The following ROCK1 variants were observed in gnomAD, a reference collection of about 807,000 sequenced individuals.
ROCK1 encodes the protein Rho associated coiled-coil containing protein kinase 1.
ROCK1 carries 36 observed loss-of-function variants against 196.8 expected under a neutral mutation model. The ratio of observed to expected loss-of-function variants is 0.18; its 90% CI spans 0.14 to 0.24. ROCK1 has a LOEUF of 0.24. Ranked by LOEUF, ROCK1 falls within the 10% of genes least tolerant of loss-of-function variation. The pLI, the probability that ROCK1 is intolerant of heterozygous loss-of-function variation, is 1.00. For synonymous variants in ROCK1, 443 were observed against 515.9 expected (o/e 0.86, Z 1.91); for missense variants, 920 against 1,562.0 (o/e 0.59, Z 6.93).
chr18:21,111,633 G>A lies in ROCK1; in HGVS notation c.-723C>T, dbSNP rs555408192. 2 of 154,418 alleles carry A rather than the reference G, an allele frequency of 1.3e-5. No individual in the cohort carries two copies. Among genetic ancestry groups the A allele is most frequent in the African/African-American group, 4.8e-5 (2 of 41,636 alleles). 9.6% of individuals were successfully genotyped at this position (154,418 alleles called of 1,614,324 possible). On this transcript the variant is annotated 5_prime_UTR_variant, in exon 1 of 33. Transcript: ENST00000399799. The surrounding 1 kb of genome is among the most constrained non-coding windows in gnomAD (Gnocchi z 4.2). ...GGAAAGGCTGGAGAGCGGGCGAAGA[G>A]GAAGACGATAGTTGGGTCCCGGCGG...
At position 21,026,091 on chromosome 18, in the gene ROCK1, C is replaced by A. The variant is rs564736943; in HGVS notation, c.1212-2411G>T. On this transcript the variant is annotated intron_variant, in intron 10 of 32. Transcript: ENST00000399799. ...CAAAAACATTGGCGGTTGTTTATATCAACAACTTGAGTGTTTCAGAAACCA... is the reference window on the plus strand; with the variant it reads ...CAAAAACATTGGCGGTTGTTTATATAAACAACTTGAGTGTTTCAGAAACCA... 4.2e-4 allele frequency among the ~76,000 whole-genome samples: 64 copies of A among 152,220 alleles called. 2 individuals carry two copies. In the South Asian group the frequency reaches 0.013, roughly 32 times the overall value.
At chr18:20,951,530 T>C (rs1452096305) in intron 32 of ROCK1, 143 bp from the exon 33 acceptor site, 4 of 523,556 alleles carry the variant, frequency 7.6e-6, no homozygotes, top group Non-Finnish European at 1.4e-5. Flanking sequence ...AAACAAGGAA[T>C]AGGAAAAATA....
chr18:21,042,289 C>G (rs2036113951), intron 7 of ROCK1, 54 bp from the exon 8 acceptor site: 2 of 1,469,808 alleles, frequency 1.4e-6, no homozygotes, highest in Non-Finnish European at 1.8e-6. Flanking sequence ...TTTAAAAAGT[C>G]AGTTTCAAAG....
Position 20,947,434 on chromosome 18 carries a change from G to A in ROCK1, c.*3950C>T, listed in dbSNP as rs564853214. ...CACTAAAAGCATAAAAGATTTGGCA[G>A]TAAATATATCTAGGCCATTGAGCAT... On this transcript the variant is annotated 3_prime_UTR_variant, in exon 33 of 33. Coordinates refer to ENST00000399799, the MANE Select transcript of ROCK1 (RefSeq NM_005406.3). 26 of 152,240 alleles carry A rather than the reference G, an allele frequency of 1.7e-4. No homozygotes were observed. Among genetic ancestry groups the A allele is most frequent in the African/African-American group, 6.0e-4 (25 of 41,548 alleles). 9.4% of individuals were successfully genotyped at this position (152,240 alleles called of 1,614,324 possible).
chr18:20,997,475 C>G (rs530360460), intron 16 of ROCK1, among the ~76,000 whole-genome samples: 1 of 152,276 alleles, frequency 6.6e-6, no homozygotes, highest in East Asian at 1.9e-4. Flanking sequence ...GCACCCAACA[C>G]TGGAGCAACC....
At chr18:20,957,841 G>A (rs35308483) in intron 29 of ROCK1, among the ~76,000 whole-genome samples, 12,139 of 108,618 alleles carry the variant, frequency 0.11, no homozygotes, top group East Asian at 0.21. Context: ...TTCAGAGACA[G>A]GGTCTCGCTA....
At chr18:21,046,906 G>A (rs2036165505) in intron 4 of ROCK1, among the ~76,000 whole-genome samples, 1 of 152,056 alleles carries the variant, frequency 6.6e-6, no homozygotes, top group Non-Finnish European at 1.5e-5. Flanking sequence ...CTGCCCTCAA[G>A]TGATCTTCCT....
At chr18:21,073,926 G>A (rs2036408640) in intron 1 of ROCK1, among the ~76,000 whole-genome samples, 1 of 152,160 alleles carries the variant, frequency 6.6e-6, no homozygotes, top group African/African-American at 2.4e-5. Context: ...ATCGAGACAG[G>A]AGGATCACTT....
chr18:21,075,151 T>C (rs1346241083), intron 1 of ROCK1, among the ~76,000 whole-genome samples: 1 of 152,186 alleles, frequency 6.6e-6, no homozygotes, highest in African/African-American at 2.4e-5. Flanking sequence ...GTTTTTATTT[T>C]AGTAGTCTGG....
chr18:20,959,040 A>AATATATATATATTATATAAT (rs1376289380), intron 29 of ROCK1, among the ~76,000 whole-genome samples: 1 of 57,426 alleles, frequency 1.7e-5, no homozygotes, highest in Non-Finnish European at 2.6e-5. Flanking sequence ...TATTTTATAT[A>AATATATATATATTATATAAT]ATATATAATA....
Position 20,959,099 on chromosome 18 carries a change from T to TTATATATAATATATATA in ROCK1, c.3512+740_3512+741insTATATATATTATATATA. On this transcript the variant is annotated intron_variant, in intron 29 of 32. Transcript: ENST00000399799. ...TAATATATATATTTTATATAATATA[T>TTATATATAATATATATA]ATATTATATATATATTATATAATAT... is the stretch of plus-strand genomic sequence containing the variant. Among the ~76,000 whole-genome samples, 52 of 19,658 alleles carry TTATATATAATATATATA rather than the reference T, an allele frequency of 2.6e-3. 1 individual carries two copies. Among genetic ancestry groups the TTATATATAATATATATA allele is most frequent in the African/African-American group, 0.01 (48 of 4,616 alleles). The allele number at this position is 19,658 out of a possible 152,430, so 12.9% of individuals were successfully genotyped here.
At chr18:20,997,817 A>G (rs2035685425) in intron 16 of ROCK1, among the ~76,000 whole-genome samples, 1 of 150,976 alleles carries the variant, frequency 6.6e-6, no homozygotes, top group African/African-American at 2.5e-5. Context: ...AAACAAAACT[A>G]GAAATCAACA....
intron 22 of ROCK1, among the ~76,000 whole-genome samples, chr18:20,971,331 CACACACACACACAT>C (rs947249136): frequency 9.6e-5 from 8 of 83,012 alleles, no homozygotes; most frequent in African/African-American, 2.9e-4. Context: ...CACACACACA[CACACACACACACAT>C]ACACACAGAA....
chr18:20,959,945 G>C lies in ROCK1; in HGVS notation c.3424-17C>G. On this transcript the variant is annotated splice_polypyrimidine_tract_variant and intron_variant, in intron 28 of 32. Transcript: ENST00000399799. Reference sequence around the variant, plus strand: ...CACAACATACTGAAATAAGAAAAAGGGGGGAAGAGTTACAAGAGCAACATT... The same window carrying C: ...CACAACATACTGAAATAAGAAAAAGCGGGGAAGAGTTACAAGAGCAACATT... 1.3e-6 allele frequency: 2 copies of C among 1,497,068 alleles called. No individual in the cohort carries two copies. The highest frequency in any genetic ancestry group is 1.9e-6 in the Non-Finnish European group (2 of 1,080,048). The allele number at this position is 1,497,068 out of a possible 1,614,324, so 92.7% of individuals were successfully genotyped here. A position where few individuals can be genotyped will look rare whatever the true frequency, so the allele number is the denominator to read the frequency against.
At chr18:21,000,902 C>T (rs2035718051) in intron 16 of ROCK1, among the ~76,000 whole-genome samples, 1 of 152,128 alleles carries the variant, frequency 6.6e-6, no homozygotes, top group South Asian at 2.1e-4. Context: ...AAATTCCACT[C>T]CTAAATATAC....
intron 1 of ROCK1, among the ~76,000 whole-genome samples, chr18:21,099,961 G>A (rs1482402364): frequency 6.6e-6 from 1 of 151,202 alleles, no homozygotes; most frequent in Non-Finnish European, 1.5e-5. Flanking sequence ...GCTTGAACCT[G>A]GAGGGAGGAG....
chr18:20,991,263 G>C lies in ROCK1; in HGVS notation c.2056C>G (p.Gln686Glu). ...KLKSLQQRLE[Q>E]EVNEHKVTKA... ...GTTACTTTGTGTTCATTTACCTCTT[G>C]TTCTAACCGTTGTTGTAATGATTTA... Residue 686 changes from glutamine (Q) to glutamate (E), a missense_variant, in exon 18 of 33, where the codon CAA becomes GAA. Physicochemically the swap from Gln to Glu is conservative, Grantham distance 29. Transcript: ENST00000399799. 6.2e-7 allele frequency: 1 copy of C among 1,607,808 alleles called. No individual in the cohort carries two copies. The highest frequency in any genetic ancestry group is 8.5e-7 in the Non-Finnish European group (1 of 1,175,234).
At chr18:21,107,929 G>A (rs1387782232) in intron 1 of ROCK1, among the ~76,000 whole-genome samples, 1 of 151,922 alleles carries the variant, frequency 6.6e-6, no homozygotes, top group Non-Finnish European at 1.5e-5. Flanking sequence ...TAGTGCACGC[G>A]TGTAATCCCA....
At chr18:20,990,610 CT>C (rs2035615940) in intron 18 of ROCK1, among the ~76,000 whole-genome samples, 1 of 131,846 alleles carries the variant, frequency 7.6e-6, no homozygotes, top group East Asian at 2.6e-4. Context: ...AGGAGAATTG[CT>C]TGAACCTGGA....
Sources: gnomAD v4.1 joint callset for allele counts (sites outside exome capture counted in the v4.1 genomes callset) on GRCh38, gnomAD v4.1.1 for gene constraint, Gnocchi (gnomAD v3.1) non-coding constraint, MANE v1.5 for transcripts, NCBI Gene and HGNC (gene_info 2026-07-23, HGNC 2026-07-21) for gene names.